Variants in CSMD1 observed in about 807,000 individuals in gnomAD.
CSMD1 encodes CUB and sushi domain-containing protein 1.
A neutral mutation model predicts 417.5 loss-of-function variants in CSMD1; 213 were observed. The observed-to-expected ratio is 0.51, with a 90% CI of 0.46 to 0.57. CSMD1 has a LOEUF of 0.57. Ranked by LOEUF, CSMD1 falls within the 20% of genes least tolerant of loss-of-function variation. CSMD1 has a pLI of 0.00. For missense variants in CSMD1, 6,923 were observed against 4,529.7 expected (o/e 1.53, Z -15.17); for synonymous variants, 2,862 against 1,736.8 (o/e 1.65, Z -16.11).
chr8:4,408,326 A>G (rs1190163094), intron 3 of CSMD1, among the ~76,000 whole-genome samples: 3 of 152,230 alleles, frequency 2.0e-5, no homozygotes, highest in African/African-American at 7.2e-5. Context: ...TAAGCTACTT[A>G]AAACAAACTG....
chr8:4,007,099 A>T (rs1026870218), intron 4 of CSMD1, among the ~76,000 whole-genome samples: 1 of 151,966 alleles, frequency 6.6e-6, no homozygotes, highest in African/African-American at 2.4e-5. Flanking sequence ...CGGCCTCCCA[A>T]AGTTTTGGTA....
chr8:3,349,683 AAG>A (rs1420914047), intron 21 of CSMD1, among the ~76,000 whole-genome samples: 1 of 149,462 alleles, frequency 6.7e-6, no homozygotes, highest in Non-Finnish European at 1.5e-5. Context: ...ATCATTTTAA[AAG>A]AGAAATTTAT....
intron 6 of CSMD1, among the ~76,000 whole-genome samples, chr8:3,713,578 C>G (rs977540174): frequency 4.6e-5 from 7 of 152,150 alleles, no homozygotes; most frequent in Non-Finnish European, 2.9e-5. Context: ...TCTTAGGAAA[C>G]CAAGTCGTAT....
At chr8:3,170,115 G>A (rs1334946938) in intron 37 of CSMD1, among the ~76,000 whole-genome samples, 3 of 152,248 alleles carry the variant, frequency 2.0e-5, no homozygotes, top group African/African-American at 7.2e-5. Flanking sequence ...CCTGCTAGAA[G>A]CACCCTTCTG....
chr8:3,694,632 G>C (rs2624057), intron 7 of CSMD1, among the ~76,000 whole-genome samples: 1 of 151,908 alleles, frequency 6.6e-6, no homozygotes, highest in Admixed American at 6.6e-5. Context: ...GGGCATGAGA[G>C]GGAGGCTGGG....
intron 49 of CSMD1, among the ~76,000 whole-genome samples, chr8:3,054,174 T>A (rs569773843): frequency 6.6e-6 from 1 of 152,324 alleles, no homozygotes; most frequent in South Asian, 2.1e-4. Flanking sequence ...TATTGGTTCT[T>A]TCTTCTTTAC....
chr8:4,973,838 C>T (rs190589879), intron 1 of CSMD1, among the ~76,000 whole-genome samples: 2 of 151,996 alleles, frequency 1.3e-5, no homozygotes, highest in Non-Finnish European at 2.9e-5. Flanking sequence ...ATAGGAAAAC[C>T]CATTATTCCT....
At chr8:4,390,040 C>A (rs984947617) in intron 3 of CSMD1, among the ~76,000 whole-genome samples, 1 of 152,148 alleles carries the variant, frequency 6.6e-6, no homozygotes, top group Admixed American at 6.5e-5. Context: ...AATTGCTATA[C>A]TAATTTACAT....
At chr8:3,399,653 C>G in intron 15 of CSMD1, 124 bp from the exon 16 acceptor site, 2 of 682,446 alleles carry the variant, frequency 2.9e-6, no homozygotes, top group African/African-American at 1.8e-5. Context: ...AGTATCAAAG[C>G]AAATCTTATT....
intron 2 of CSMD1, among the ~76,000 whole-genome samples, chr8:4,538,157 G>C (rs776277817): frequency 6.6e-6 from 1 of 150,960 alleles, no homozygotes; most frequent in East Asian, 2.0e-4. Flanking sequence ...GGTATACCAT[G>C]ACTCCGGTGT....
chr8:3,416,302 CAAAAAAAAA>C (rs11358404), intron 12 of CSMD1, among the ~76,000 whole-genome samples: 1 of 58,898 alleles, frequency 1.7e-5, no homozygotes, highest in East Asian at 5.3e-4. Context: ...GACTCCGTCT[CAAAAAAAAA>C]AAAAAAAAAA....
intron 42 of CSMD1, among the ~76,000 whole-genome samples, chr8:3,111,240 A>T (rs1045383089): frequency 1.3e-5 from 2 of 152,248 alleles, no homozygotes; most frequent in Non-Finnish European, 1.5e-5. Context: ...GTTTAGTAAC[A>T]AATGAGAATA....
intron 6 of CSMD1, among the ~76,000 whole-genome samples, chr8:3,745,781 A>C (rs1055105897): frequency 1.3e-5 from 2 of 152,218 alleles, no homozygotes; most frequent in East Asian, 1.9e-4. Flanking sequence ...TCAGATCATT[A>C]AGAGAACAAG....
chr8:3,921,243 C>A (rs549285075), intron 5 of CSMD1, among the ~76,000 whole-genome samples: 1 of 152,060 alleles, frequency 6.6e-6, no homozygotes, highest in South Asian at 2.1e-4. Context: ...ATTTATATTT[C>A]TGTAATACCT....
chr8:4,055,001 T>C (rs1010472901), intron 3 of CSMD1, among the ~76,000 whole-genome samples: 7 of 152,222 alleles, frequency 4.6e-5, no homozygotes, highest in African/African-American at 1.2e-4. Context: ...GAATGTCATA[T>C]AAATGTGTGT....
intron 7 of CSMD1, among the ~76,000 whole-genome samples, chr8:3,649,383 T>A (rs1387087828): frequency 3.3e-5 from 5 of 152,202 alleles, no homozygotes; most frequent in Non-Finnish European, 5.9e-5. Context: ...TTAAAATTCA[T>A]CTGTATTAGT....
chr8:3,530,916 G>T (rs1797953724), intron 10 of CSMD1, among the ~76,000 whole-genome samples: 1 of 151,212 alleles, frequency 6.6e-6, no homozygotes, highest in Non-Finnish European at 1.5e-5. Flanking sequence ...GGAATGCAGT[G>T]GTACGATCTC....
chr8:3,186,261 A>T (rs912943902), intron 36 of CSMD1, among the ~76,000 whole-genome samples: 1 of 152,214 alleles, frequency 6.6e-6, no homozygotes, highest in African/African-American at 2.4e-5. Flanking sequence ...ACTTTAAGAA[A>T]TCACATGCTA....
At chr8:3,764,525 G>T (rs59583547) in intron 5 of CSMD1, among the ~76,000 whole-genome samples, 2 of 152,048 alleles carry the variant, frequency 1.3e-5, no homozygotes, top group African/African-American at 4.8e-5. Flanking sequence ...TGTCACACCT[G>T]AGACATCACC....
Sources: allele counts gnomAD v4.1 joint callset (sites outside exome capture counted in the v4.1 genomes callset), GRCh38; gene constraint gnomAD v4.1.1; transcripts MANE v1.5; gene names NCBI Gene and HGNC (gene_info 2026-07-23, HGNC 2026-07-21).